Variants in NPAS3 observed in about 807,000 individuals in gnomAD.
NPAS3 encodes neuronal PAS domain protein 3, also known as neuronal PAS domain-containing protein 3.
Under a neutral mutation model 73.1 loss-of-function variants are expected in NPAS3, and 14 were observed. The ratio of observed to expected loss-of-function variants is 0.19; its 90% CI spans 0.13 to 0.30. The LOEUF (loss-of-function observed/expected upper bound fraction) is 0.30. NPAS3 is among the 10% of genes least tolerant of loss of function. NPAS3 has a pLI of 1.00. For synonymous variants in NPAS3, 620 were observed against 541.5 expected (o/e 1.14, Z -2.01); for missense variants, 1,096 against 1,250.0 (o/e 0.88, Z 1.86).
At chr14:33,542,422 G>A (rs1057026412) in intron 4 of NPAS3, among the ~76,000 whole-genome samples, 1 of 152,128 alleles carries the variant, frequency 6.6e-6, no homozygotes, top group Non-Finnish European at 1.5e-5. Context: ...GTGGCTGCTG[G>A]CCTTGGCAGA....
At chr14:33,312,432 A>C (rs941676135) in intron 3 of NPAS3, among the ~76,000 whole-genome samples, 2 of 151,368 alleles carry the variant, frequency 1.3e-5, no homozygotes, top group African/African-American at 2.4e-5. Context: ...ATATTCAGCT[A>C]GATAATCACA....
In NPAS3 at chr14:33,031,616, C is replaced by T. The variant is rs117718836; in HGVS notation, c.51-24289C>T. Among the ~76,000 whole-genome samples the T allele has an allele frequency of 3.7e-4, 56 of 152,286 alleles. 1 individual carries two copies. In the East Asian group the frequency reaches 5.8e-3, roughly 16 times the overall value. ...CAAGTGATCATTCCACTTCAGCCTA[C>T]TGAATAGCTGGGACCACACGTGTGC... On this transcript the variant is annotated intron_variant, in intron 1 of 11. Coordinates refer to ENST00000356141, the Ensembl canonical transcript of NPAS3.
chr14:33,677,846 C>A (rs938622195), intron 6 of NPAS3, among the ~76,000 whole-genome samples: 3 of 152,134 alleles, frequency 2.0e-5, no homozygotes, highest in African/African-American at 7.2e-5. Context: ...TATTCTTATA[C>A]CATAGCTCAC....
At chr14:33,050,983 G>A (rs2138491467) in intron 1 of NPAS3, among the ~76,000 whole-genome samples, 1 of 152,298 alleles carries the variant, frequency 6.6e-6, no homozygotes, top group East Asian at 1.9e-4. Context: ...GGTTAAAAGA[G>A]ACTAAAGAAG....
intron 5 of NPAS3, among the ~76,000 whole-genome samples, chr14:33,614,783 A>T (rs994900173): frequency 2.6e-5 from 4 of 152,218 alleles, no homozygotes; most frequent in Non-Finnish European, 1.5e-5. Context: ...ATTTAAAGTA[A>T]TTGAACCTTT....
chr14:33,355,935 C>G (rs1470733706), intron 3 of NPAS3, among the ~76,000 whole-genome samples: 3 of 152,186 alleles, frequency 2.0e-5, no homozygotes, highest in Non-Finnish European at 4.4e-5. Context: ...TCTGGCTCCC[C>G]ACTGGAATGC....
At chr14:33,218,760 C>T (rs892794254) in intron 3 of NPAS3, among the ~76,000 whole-genome samples, 4 of 152,176 alleles carry the variant, frequency 2.6e-5, no homozygotes, top group Admixed American at 6.5e-5. Context: ...ATTTGTCCCA[C>T]ACAACTATAT....
chr14:33,773,567 C>G (rs764268209), intron 7 of NPAS3, among the ~76,000 whole-genome samples: 1 of 152,190 alleles, frequency 6.6e-6, no homozygotes, highest in African/African-American at 2.4e-5. Context: ...GCAAAGTTTG[C>G]TTGGTTCCGG....
At chr14:33,224,158 G>A (rs1331602655) in intron 3 of NPAS3, among the ~76,000 whole-genome samples, 4 of 152,098 alleles carry the variant, frequency 2.6e-5, no homozygotes, top group African/African-American at 9.7e-5. Flanking sequence ...ACTTATTTGG[G>A]ACTTTCAAGT....
chr14:33,650,795 A>G (rs1346294204), intron 5 of NPAS3, among the ~76,000 whole-genome samples: 1 of 151,970 alleles, frequency 6.6e-6, no homozygotes, highest in Non-Finnish European at 1.5e-5. Context: ...TGCCAGGCCC[A>G]TGCCTCTGCC....
At chr14:33,707,786 T>C (rs146206358) in intron 6 of NPAS3, among the ~76,000 whole-genome samples, 1 of 152,022 alleles carries the variant, frequency 6.6e-6, no homozygotes, top group African/African-American at 2.4e-5. Context: ...GAAAGAGGCC[T>C]GGAGGAAAGG....
intron 4 of NPAS3, among the ~76,000 whole-genome samples, chr14:33,485,365 G>T (rs146381515): frequency 6.6e-5 from 10 of 152,094 alleles, no homozygotes; most frequent in African/African-American, 2.4e-4. Flanking sequence ...ATTTAAGTCG[G>T]TGCTTGCCTG....
rs1327714552 is a variant in NPAS3 at position 33,389,476 on chromosome 14, C to T, written c.468+22208C>T. On this transcript the variant is annotated intron_variant, in intron 4 of 11. Coordinates refer to ENST00000356141, the Ensembl canonical transcript of NPAS3. ...AACTCTATTAAATATTATGTTCAAC[C>T]TCCTAAGTGGTAGAACTAGACACTT... 5.3e-5 allele frequency among the ~76,000 whole-genome samples: 8 copies of T among 152,238 alleles called. No individual in the cohort carries two copies. The South Asian group carries it at 1.7e-3, about 32-fold the overall frequency.
intron 2 of NPAS3, among the ~76,000 whole-genome samples, chr14:33,186,988 G>T (rs865841595): frequency 1.3e-5 from 2 of 152,120 alleles, no homozygotes; most frequent in African/African-American, 4.8e-5. Flanking sequence ...AGCCTAATAT[G>T]TCAATTGAGA....
chr14:33,158,608 G>A (rs1365683574), intron 2 of NPAS3, among the ~76,000 whole-genome samples: 3 of 152,036 alleles, frequency 2.0e-5, no homozygotes, highest in South Asian at 2.1e-4. Context: ...GCAGAGAGAG[G>A]GTGTTCATGG....
At chr14:33,213,850 T>C (rs1371900509) in intron 2 of NPAS3, 2 of 152,192 alleles carry the variant, frequency 1.3e-5, no homozygotes, top group East Asian at 3.8e-4. Context: ...TTAGATTACA[T>C]AGATATTCAG....
intron 1 of NPAS3, among the ~76,000 whole-genome samples, chr14:32,996,963 T>C (rs2038602271): frequency 6.6e-6 from 1 of 152,004 alleles, no homozygotes; most frequent in Admixed American, 6.6e-5. Context: ...CCACAGACAC[T>C]CAATGCCAGC....
chr14:33,332,568 C>T (rs1202601899), intron 3 of NPAS3, among the ~76,000 whole-genome samples: 1 of 152,122 alleles, frequency 6.6e-6, no homozygotes, highest in African/African-American at 2.4e-5. Flanking sequence ...TAAAATTAAT[C>T]CAACGTAGAT....
intron 3 of NPAS3, among the ~76,000 whole-genome samples, chr14:33,282,259 G>A (rs1001975702): frequency 3.3e-5 from 5 of 152,200 alleles, no homozygotes; most frequent in African/African-American, 1.2e-4. Flanking sequence ...CCAAGGCTTT[G>A]TGCCTATGCC....
Sources: gnomAD v4.1 joint callset for allele counts (sites outside exome capture counted in the v4.1 genomes callset) on GRCh38, gnomAD v4.1.1 for gene constraint, MANE v1.5 for transcripts, NCBI Gene and HGNC (gene_info 2026-07-23, HGNC 2026-07-21) for gene names.